Variants in COL24A1 observed in about 807,000 individuals in gnomAD.
COL24A1 encodes the protein collagen alpha-1(XXIV) chain.
In COL24A1, 224 loss-of-function variants were observed where a neutral mutation model predicts 253.9. The ratio of observed to expected loss-of-function variants is 0.88; its 90% CI spans 0.79 to 0.99. COL24A1 has a LOEUF of 0.99. COL24A1 is among the 50% of genes least tolerant of loss of function. COL24A1 has a pLI of 0.00. For missense variants in COL24A1, 2,131 were observed against 2,068.5 expected, an observed-to-expected ratio of 1.03 and a Z score of -0.59; for synonymous variants, 685 against 673.7, an observed-to-expected ratio of 1.02 and a Z score of -0.26.
chr1:85,732,795 G>A (rs1663635678), intron 59 of COL24A1, among the ~76,000 whole-genome samples: 1 of 152,020 alleles, frequency 6.6e-6, no homozygotes, highest in African/African-American at 2.4e-5. Context: ...CTGTTATTAT[G>A]AATAAAATAA....
chr1:86,069,764 A>G (rs1701739137), intron 7 of COL24A1, among the ~76,000 whole-genome samples: 2 of 152,190 alleles, frequency 1.3e-5, no homozygotes, highest in Admixed American at 1.3e-4. Context: ...TTTATGTAAG[A>G]CCACCAAGGC....
intron 10 of COL24A1, among the ~76,000 whole-genome samples, chr1:86,051,617 G>A (rs923830558): frequency 6.6e-6 from 1 of 151,938 alleles, no homozygotes; most frequent in African/African-American, 2.4e-5. Context: ...AGTCTTTTTT[G>A]TTATGATGGA....
intron 47 of COL24A1, among the ~76,000 whole-genome samples, chr1:85,797,879 G>A (rs1166935981): frequency 6.6e-6 from 1 of 152,090 alleles, no homozygotes; most frequent in Non-Finnish European, 1.5e-5. Flanking sequence ...GCTAGACCAC[G>A]AAGAAACATC....
At chr1:85,844,723 T>C (rs1377516115) in intron 39 of COL24A1, among the ~76,000 whole-genome samples, 2 of 151,948 alleles carry the variant, frequency 1.3e-5, no homozygotes, top group South Asian at 2.1e-4. Context: ...TTACTAAATA[T>C]GAAAATCTAG....
intron 23 of COL24A1, among the ~76,000 whole-genome samples, chr1:85,962,578 A>G (rs1024220309): frequency 6.6e-6 from 1 of 152,164 alleles, no homozygotes; most frequent in Non-Finnish European, 1.5e-5. Context: ...GGATTATGAA[A>G]CTGTAAGTGG....
intron 4 of COL24A1, among the ~76,000 whole-genome samples, chr1:86,114,806 T>C (rs1312833644): frequency 6.6e-6 from 1 of 152,218 alleles, no homozygotes; most frequent in African/African-American, 2.4e-5. Flanking sequence ...CACACTTTTT[T>C]TAGGTTTGAG....
intron 24 of COL24A1, among the ~76,000 whole-genome samples, chr1:85,955,095 G>A (rs181834336): frequency 1.4e-3 from 218 of 152,208 alleles, no homozygotes; most frequent in Admixed American, 3.7e-3. Context: ...GCTATAAGCC[G>A]GATACAGACA....
chr1:86,086,564 A>C (rs1703079208), intron 7 of COL24A1, among the ~76,000 whole-genome samples: 1 of 152,052 alleles, frequency 6.6e-6, no homozygotes. Context: ...ACACCCCAAG[A>C]CTTATTCATA....
chr1:86,082,959 C>T (rs180713380), intron 7 of COL24A1, among the ~76,000 whole-genome samples: 162 of 151,926 alleles, frequency 1.1e-3, no homozygotes, highest in African/African-American at 3.7e-3. Flanking sequence ...TGGAGCACTT[C>T]GGATTTCAAA....
intron 18 of COL24A1, among the ~76,000 whole-genome samples, chr1:86,018,607 A>G (rs1697210762): frequency 6.6e-6 from 1 of 152,248 alleles, no homozygotes; most frequent in Admixed American, 6.5e-5. Context: ...ATTTAAAAAC[A>G]GAAATTGTGT....
intron 47 of COL24A1, among the ~76,000 whole-genome samples, chr1:85,801,259 A>C (rs1008486213): frequency 2.0e-5 from 3 of 152,080 alleles, no homozygotes; most frequent in Non-Finnish European, 4.4e-5. Flanking sequence ...TTTGCTCCCC[A>C]GATCCATTTA....
intron 37 of COL24A1, among the ~76,000 whole-genome samples, chr1:85,855,058 T>C (rs1678270639): frequency 6.6e-6 from 1 of 152,194 alleles, no homozygotes; most frequent in South Asian, 2.1e-4. Flanking sequence ...TGTATAGAAA[T>C]GCTATTAATT....
intron 7 of COL24A1, among the ~76,000 whole-genome samples, chr1:86,068,089 T>C (rs1471372837): frequency 2.0e-5 from 3 of 152,228 alleles, no homozygotes; most frequent in Non-Finnish European, 4.4e-5. Flanking sequence ...CAGAGCAAGA[T>C]GGCAAAATAG....
chr1:85,799,210 TAAAA>T (rs1331514676), intron 47 of COL24A1, among the ~76,000 whole-genome samples: 5 of 30,760 alleles, frequency 1.6e-4, no homozygotes, highest in African/African-American at 5.4e-4. Context: ...CTTGGCCACA[TAAAA>T]GAAAGAAAGA....
At chr1:86,116,807 T>A (rs894281364) in intron 3 of COL24A1, among the ~76,000 whole-genome samples, 2 of 152,182 alleles carry the variant, frequency 1.3e-5, no homozygotes, top group Non-Finnish European at 2.9e-5. Context: ...AAACTTTTCA[T>A]GTATTTCCTA....
At chr1:85,971,786 G>C (rs1414852080) in intron 20 of COL24A1, among the ~76,000 whole-genome samples, 1 of 152,120 alleles carries the variant, frequency 6.6e-6, no homozygotes, top group African/African-American at 2.4e-5. Flanking sequence ...TCTATTAAGA[G>C]ATCTGCAGAG....
intron 43 of COL24A1, among the ~76,000 whole-genome samples, chr1:85,827,457 G>T (rs1674530139): frequency 6.6e-6 from 1 of 151,660 alleles, no homozygotes; most frequent in Non-Finnish European, 1.5e-5. Flanking sequence ...AGTTAGGGAG[G>T]ATTCCCTCTT....
chr1:86,080,004 G>C (rs1370137070), intron 7 of COL24A1, among the ~76,000 whole-genome samples: 5 of 152,164 alleles, frequency 3.3e-5, no homozygotes, highest in Admixed American at 1.3e-4. Context: ...CAATAGCCAA[G>C]ATTTGGAAGT....
chr1:85,818,082 A>T lies in COL24A1; in HGVS notation c.3795T>A (p.Asn1265Lys), dbSNP rs1268807058. ...GLKGERGSEG[N>K]KGKKGAPGPS... ...GACCAGGAGCTCCTTTTTTCCCCTT[A>T]TTACCCTAAAGATGGAAAGCACAGT... Residue 1265 changes from asparagine to lysine, a missense_variant, in exon 46 of 60, where the codon AAT becomes AAA. Physicochemically the swap from Asn to Lys is moderately conservative, Grantham distance 94 (BLOSUM62 0). Transcript: ENST00000370571. 1 of 1,613,314 alleles carries T rather than the reference A, an allele frequency of 6.2e-7. No individual in the cohort carries two copies. Among genetic ancestry groups the T allele is most frequent in the African/African-American group, 1.3e-5 (1 of 75,002 alleles).
Sources: gnomAD v4.1 joint callset for allele counts (sites outside exome capture counted in the v4.1 genomes callset) on GRCh38, gnomAD v4.1.1 for gene constraint, MANE v1.5 for transcripts, NCBI Gene and HGNC (gene_info 2026-07-23, HGNC 2026-07-21) for gene names.